Variants in XIRP2 observed in about 807,000 individuals in gnomAD.
XIRP2 encodes xin actin binding repeat containing 2, also known as xin actin-binding repeat-containing protein 2.
In XIRP2, 236 loss-of-function variants were observed where a neutral mutation model predicts 277.0. The ratio of observed to expected loss-of-function variants is 0.85; its 90% confidence interval spans 0.77 to 0.95. The LOEUF (loss-of-function observed/expected upper bound fraction) is 0.95. Among genes scored for constraint, XIRP2 ranks in the 40% least tolerant of loss-of-function variants. The probability of loss-of-function intolerance (pLI) is 0.00; values close to 1 mark genes in which losing one functional copy is unlikely to be tolerated. For synonymous variants in XIRP2, 1,490 were observed against 1,416.5 expected (o/e 1.05, Z -1.17); for missense variants, 4,640 against 4,157.5 (o/e 1.12, Z -3.19).
chr2:167,199,548 A>G (rs1693618602), intron 3 of XIRP2, among the ~76,000 whole-genome samples: 1 of 152,244 alleles, frequency 6.6e-6, no homozygotes, highest in African/African-American at 2.4e-5. Context: ...TGCACAGGTC[A>G]TCCCCATCTA....
intron 2 of XIRP2, among the ~76,000 whole-genome samples, chr2:166,915,364 A>T (rs1294264664): frequency 6.6e-6 from 1 of 151,842 alleles, no homozygotes; most frequent in Non-Finnish European, 1.5e-5. Context: ...CACAAAAAGC[A>T]TGTGGGATAC....
At chr2:167,219,204 T>A (rs919175300) in intron 5 of XIRP2, among the ~76,000 whole-genome samples, 3 of 152,170 alleles carry the variant, frequency 2.0e-5, no homozygotes, top group Non-Finnish European at 4.4e-5. Context: ...TTTCTGGCTC[T>A]GGCTGCAAAG....
chr2:166,998,926 GTTTATC>G (rs1687294634), intron 2 of XIRP2, among the ~76,000 whole-genome samples: 1 of 152,026 alleles, frequency 6.6e-6, no homozygotes, highest in South Asian at 2.1e-4. Context: ...ATGTACCTCT[GTTTATC>G]TTTAACAACT....
Position 166,911,386 on chromosome 2 carries a change from G to T in XIRP2, c.408+7496G>T, listed in dbSNP as rs376959153. 1.2e-3 allele frequency among the ~76,000 whole-genome samples: 175 copies of T among 152,038 alleles called. 1 individual carries two copies. The East Asian group carries it at 0.019, about 16-fold the overall frequency. The stretch of plus-strand genomic sequence containing the variant: ...TACGTAATGGCCTTGTCTCTTTTGA[G>T]CTTTGTTGGTTTAAAGTCTGTTTTA... On this transcript the variant is annotated intron_variant, in intron 2 of 10. Coordinates refer to ENST00000409195, the MANE Select transcript of XIRP2 (RefSeq NM_152381.6).
chr2:166,906,914 C>T (rs1684539928), intron 2 of XIRP2, among the ~76,000 whole-genome samples: 1 of 152,066 alleles, frequency 6.6e-6, no homozygotes, highest in Admixed American at 6.6e-5. Context: ...AGTGAGACTC[C>T]ATCAATAAGC....
At chr2:167,047,563 A>T (rs1475613696) in intron 2 of XIRP2, among the ~76,000 whole-genome samples, 3 of 151,990 alleles carry the variant, frequency 2.0e-5, no homozygotes, top group African/African-American at 4.8e-5. Flanking sequence ...CAATAAAATT[A>T]TTCAGAAATA....
chr2:166,937,254 G>A (rs561124481), intron 2 of XIRP2, among the ~76,000 whole-genome samples: 3 of 152,242 alleles, frequency 2.0e-5, no homozygotes, highest in African/African-American at 4.8e-5. Flanking sequence ...ATTATTTTGA[G>A]ATACGTCCAT....
At chr2:167,115,482 T>C (rs1332218690) in intron 2 of XIRP2, among the ~76,000 whole-genome samples, 2 of 152,322 alleles carry the variant, frequency 1.3e-5, no homozygotes, top group South Asian at 2.1e-4. Flanking sequence ...TGTGGGCTGA[T>C]ATTCCTTCAG....
intron 3 of XIRP2, among the ~76,000 whole-genome samples, chr2:167,186,837 G>C (rs16853177): frequency 0.1 from 14,824 of 148,592 alleles, 783 homozygotes; most frequent in South Asian, 0.15. Flanking sequence ...AACCAGCACA[G>C]CCTTTACTTA....
At chr2:166,982,114 C>T (rs1479688310) in intron 2 of XIRP2, among the ~76,000 whole-genome samples, 1 of 151,902 alleles carries the variant, frequency 6.6e-6, no homozygotes, top group East Asian at 1.9e-4. Context: ...TTTCAATGAA[C>T]ATAGAATTTT....
chr2:167,176,392 AC>A (rs1316176275), intron 3 of XIRP2, among the ~76,000 whole-genome samples: 2 of 151,784 alleles, frequency 1.3e-5, no homozygotes, highest in Non-Finnish European at 2.9e-5. Context: ...TGCAGATATC[AC>A]CCGCCTTCTG....
intron 2 of XIRP2, among the ~76,000 whole-genome samples, chr2:167,113,784 A>C (rs2390512): frequency 0.03 from 4,626 of 152,236 alleles, 77 homozygotes; most frequent in East Asian, 0.05. Flanking sequence ...AACAGTCTTT[A>C]CTTTCCATAG....
At chr2:167,045,613 G>A (rs574462477) in intron 2 of XIRP2, among the ~76,000 whole-genome samples, 1 of 152,072 alleles carries the variant, frequency 6.6e-6, no homozygotes, top group South Asian at 2.1e-4. Context: ...CATAGATGTG[G>A]CTAACAAGCA....
intron 10 of XIRP2, among the ~76,000 whole-genome samples, chr2:167,254,708 G>A (rs1695611293): frequency 6.6e-6 from 1 of 151,822 alleles, no homozygotes; most frequent in Admixed American, 6.6e-5. Context: ...CTTTGAGCTA[G>A]ACTAAGTTTT....
intron 2 of XIRP2, among the ~76,000 whole-genome samples, chr2:166,920,727 A>C (rs1402076149): frequency 6.6e-6 from 1 of 152,184 alleles, no homozygotes; most frequent in African/African-American, 2.4e-5. Context: ...GAATGTACTA[A>C]ACACTTTACT....
At chr2:167,050,419 T>C (rs1688887159) in intron 2 of XIRP2, among the ~76,000 whole-genome samples, 1 of 152,130 alleles carries the variant, frequency 6.6e-6, no homozygotes, top group African/African-American at 2.4e-5. Flanking sequence ...CAGTTAGCAC[T>C]ATTGCTTATC....
At chr2:167,033,794 A>C (rs1198610981) in intron 2 of XIRP2, among the ~76,000 whole-genome samples, 1 of 152,206 alleles carries the variant, frequency 6.6e-6, no homozygotes, top group Non-Finnish European at 1.5e-5. Flanking sequence ...TCATTCAAAC[A>C]TGAAAGAAAA....
chr2:166,988,295 C>T (rs551889195), intron 2 of XIRP2, among the ~76,000 whole-genome samples: 1 of 152,206 alleles, frequency 6.6e-6, no homozygotes, highest in East Asian at 1.9e-4. Flanking sequence ...CTACTAACTG[C>T]CTGCCAGTAT....
At chr2:167,210,271 C>G (rs1418638908) in intron 3 of XIRP2, among the ~76,000 whole-genome samples, 2 of 152,170 alleles carry the variant, frequency 1.3e-5, no homozygotes, top group Non-Finnish European at 2.9e-5. Context: ...AAACCATATT[C>G]AAATCTGCCG....
Sources: allele counts gnomAD v4.1 joint callset (sites outside exome capture counted in the v4.1 genomes callset), GRCh38; gene constraint gnomAD v4.1.1; transcripts MANE v1.5; gene names NCBI Gene and HGNC (gene_info 2026-07-23, HGNC 2026-07-21).